The following ULK4 variants were observed in gnomAD, a reference collection of about 807,000 sequenced individuals.
The protein encoded by ULK4 is inactive serine/threonine-protein kinase ULK4.
Under a neutral mutation model 160.6 loss-of-function variants are expected in ULK4, and 133 were observed. That is an observed-to-expected ratio of 0.83 (90% CI 0.72 to 0.96). The LOEUF is 0.96. ULK4 is among the 40% of genes least tolerant of loss of function. The pLI is 0.00. For synonymous variants in ULK4, 534 were observed against 539.8 expected, an observed-to-expected ratio of 0.99 and a Z score of 0.15; for missense variants, 1,580 against 1,499.5, an observed-to-expected ratio of 1.05 and a Z score of -0.89.
chr3:41,936,079 A>T, intron 3 of ULK4, 139 bp from the exon 4 acceptor site: 1 of 1,079,458 alleles, frequency 9.3e-7, no homozygotes, highest in Non-Finnish European at 1.3e-6. Context: ...AGGAACACAC[A>T]TGTGAGTAAA....
rs1018293522 is a variant in ULK4 at position 41,800,121 on chromosome 3, C to T, written c.2010+11G>A. ...ACCCAGACATATCCCCCAAAAGATGCTTCATCTTACCGATACTGCTGTTAT... is the reference window on the plus strand; with the variant it reads ...ACCCAGACATATCCCCCAAAAGATGTTTCATCTTACCGATACTGCTGTTAT... On this transcript the variant is annotated intron_variant, in intron 20 of 36. Transcript: ENST00000301831. 5.7e-6 allele frequency: 9 copies of T among 1,572,912 alleles called. No homozygotes were observed. Among genetic ancestry groups the T allele is most frequent in the South Asian group, 1.2e-5 (1 of 82,320 alleles).
At position 41,457,098 on chromosome 3, in the gene ULK4, G is replaced by T. The variant is rs2083571782; in HGVS notation, c.3394-1503C>A. On this transcript the variant is annotated intron_variant, in intron 33 of 36. Transcript: ENST00000301831. The stretch of plus-strand genomic sequence containing the variant: ...TGAACCTTTCTGAATCTTGGCCGTT[G>T]ATCCCTTGCCCTCTGAAACATTATC... Among the ~76,000 whole-genome samples, 3 of 152,272 alleles carry T rather than the reference G, an allele frequency of 2.0e-5. No homozygotes were observed. In the South Asian group the frequency reaches 6.2e-4, roughly 32 times the overall value.
chr3:41,596,921 T>C (rs2031734123), intron 31 of ULK4, among the ~76,000 whole-genome samples: 1 of 152,132 alleles, frequency 6.6e-6, no homozygotes, highest in African/African-American at 2.4e-5. Flanking sequence ...GCCAGATAAC[T>C]GTTTTGGGGG....
At chr3:41,906,922 G>C (rs942872654) in intron 12 of ULK4, among the ~76,000 whole-genome samples, 1 of 152,132 alleles carries the variant, frequency 6.6e-6, no homozygotes, top group Non-Finnish European at 1.5e-5. Context: ...GAATCCGGTA[G>C]GCGGAGGTTA....
chr3:41,869,756 A>G (rs1341465785), intron 17 of ULK4, among the ~76,000 whole-genome samples: 1 of 152,172 alleles, frequency 6.6e-6, no homozygotes, highest in South Asian at 2.1e-4. Context: ...TGGCCTTAAT[A>G]GATTTAACAA....
intron 35 of ULK4, among the ~76,000 whole-genome samples, chr3:41,354,029 C>G (rs2080978006): frequency 6.6e-6 from 1 of 152,156 alleles, no homozygotes. Flanking sequence ...GATCCCAGAG[C>G]CCTCTGCATG....
At chr3:41,482,380 C>G (rs887040546) in intron 32 of ULK4, among the ~76,000 whole-genome samples, 1 of 152,126 alleles carries the variant, frequency 6.6e-6, no homozygotes, top group Non-Finnish European at 1.5e-5. Flanking sequence ...ATTTCAAGGA[C>G]AGGGGAGCCA....
At chr3:41,672,155 T>C (rs758430937) in intron 29 of ULK4, among the ~76,000 whole-genome samples, 9 of 152,162 alleles carry the variant, frequency 5.9e-5, no homozygotes, top group Non-Finnish European at 1.0e-4. Context: ...ATAAACAGTA[T>C]GGAGACTTCT....
intron 22 of ULK4, among the ~76,000 whole-genome samples, chr3:41,750,985 A>AGG: frequency 7.9e-6 from 1 of 125,904 alleles, no homozygotes; most frequent in Non-Finnish European, 1.6e-5. Context: ...AGAGAGAGAG[A>AGG]AAGAGAGAGA....
intron 30 of ULK4, among the ~76,000 whole-genome samples, chr3:41,642,318 T>G (rs1397607476): frequency 6.6e-6 from 1 of 152,124 alleles, no homozygotes; most frequent in African/African-American, 2.4e-5. Context: ...TAGGTATATC[T>G]CCTAATGCTA....
rs186447060 is a variant in ULK4, at chr3:41,384,020, T to C, written c.3678+14059A>G. Among the ~76,000 whole-genome samples the C allele has an allele frequency of 6.7e-3, 1,020 of 152,274 alleles. 4 individuals carry two copies. Among genetic ancestry groups the C allele is most frequent in the East Asian group, 0.015 (79 of 5,172 alleles). On this transcript the variant is annotated intron_variant, in intron 35 of 36. Coordinates refer to ENST00000301831, the MANE Select transcript of ULK4 (RefSeq NM_017886.4). ...AAAGTCAATGTGGGAAATAGGAGAA[T>C]ATTCACAGAGTTCCATGTATCTCTC...
chr3:41,475,239 C>T (rs1285027116), intron 32 of ULK4, among the ~76,000 whole-genome samples: 6 of 152,156 alleles, frequency 3.9e-5, no homozygotes, highest in South Asian at 2.1e-4. Flanking sequence ...AAACCAGACA[C>T]GGGAAGACAA....
intron 31 of ULK4, among the ~76,000 whole-genome samples, chr3:41,600,539 C>T (rs2031988052): frequency 6.6e-6 from 1 of 152,140 alleles, no homozygotes; most frequent in African/African-American, 2.4e-5. Flanking sequence ...TGGGGGAAAG[C>T]AACATGGCAA....
At position 41,344,640 on chromosome 3, in the gene ULK4, C is replaced by T. The variant is rs918582971; in HGVS notation, c.3678+53439G>A. 1.2e-4 allele frequency among the ~76,000 whole-genome samples: 18 copies of T among 151,044 alleles called. 1 individual carries two copies. Among genetic ancestry groups the T allele is most frequent in the African/African-American group, 4.4e-4 (18 of 41,050 alleles). ...TGGTGGCACACACCTATAGTCCCAG[C>T]TACTCAGGAGGCTGAGGCATGAGAA... On this transcript the variant is annotated intron_variant, in intron 35 of 36. Coordinates refer to ENST00000301831, the MANE Select transcript of ULK4 (RefSeq NM_017886.4).
chr3:41,490,599 T>C (rs1353014133), intron 32 of ULK4, among the ~76,000 whole-genome samples: 2 of 152,238 alleles, frequency 1.3e-5, no homozygotes, highest in East Asian at 3.8e-4. Context: ...TCACATAAAA[T>C]GTTTTTCCCC....
At chr3:41,379,538 T>C (rs1474345026) in intron 35 of ULK4, among the ~76,000 whole-genome samples, 1 of 152,214 alleles carries the variant, frequency 6.6e-6, no homozygotes, top group African/African-American at 2.4e-5. Context: ...AACAATTTCA[T>C]GGCCATCACT....
intron 17 of ULK4, among the ~76,000 whole-genome samples, chr3:41,857,734 T>G (rs1430173440): frequency 6.6e-6 from 1 of 152,220 alleles, no homozygotes; most frequent in East Asian, 1.9e-4. Context: ...TCTTTTAGAT[T>G]TTCCAATTTA....
At position 41,250,198 on chromosome 3, in the gene ULK4, A is replaced by G. The variant is rs148552078; in HGVS notation, c.3679-624T>C. On this transcript the variant is annotated intron_variant, in intron 35 of 36. Coordinates refer to ENST00000301831, the MANE Select transcript of ULK4 (RefSeq NM_017886.4). ...AGGTGGGGATTTATCTAGACCCACA[A>G]TTCTAGACCCACCCAGAGACCTCAC... is the stretch of plus-strand genomic sequence containing the variant. 3.3e-3 allele frequency among the ~76,000 whole-genome samples: 498 copies of G among 152,310 alleles called. 2 individuals are homozygous for G. Among genetic ancestry groups the G allele is most frequent in the African/African-American group, 0.012 (478 of 41,560 alleles).
intron 30 of ULK4, among the ~76,000 whole-genome samples, chr3:41,625,911 A>G (rs2125696888): frequency 1.3e-5 from 2 of 152,354 alleles, no homozygotes; most frequent in South Asian, 4.1e-4. Context: ...ATGTTACAGT[A>G]TACTTTTCTT....
Sources: gnomAD v4.1 joint callset for allele counts (sites outside exome capture counted in the v4.1 genomes callset) on GRCh38, gnomAD v4.1.1 for gene constraint, MANE v1.5 for transcripts, NCBI Gene and HGNC (gene_info 2026-07-23, HGNC 2026-07-21) for gene names.